The following MCC variants were observed in gnomAD, a reference collection of about 807,000 sequenced individuals.
MCC encodes MCC regulator of Wnt signaling pathway.
In MCC, 90 loss-of-function variants were observed where a neutral mutation model predicts 116.2. That is an observed-to-expected ratio of 0.77 (90% CI 0.65 to 0.92). The LOEUF (loss-of-function observed/expected upper bound fraction) is 0.92, where lower values mean the gene tolerates loss of function less well. Among genes scored for constraint, MCC ranks in the 40% least tolerant of loss-of-function variants. MCC has a pLI of 0.00. For synonymous variants in MCC, 578 were observed against 510.5 expected, an observed-to-expected ratio of 1.13 and a Z score of -1.78; for missense variants, 1,516 against 1,312.2, an observed-to-expected ratio of 1.16 and a Z score of -2.40.
chr5:113,317,788 G>T (rs1767321846), intron 3 of MCC, among the ~76,000 whole-genome samples: 1 of 152,138 alleles, frequency 6.6e-6, no homozygotes, highest in African/African-American at 2.4e-5. Context: ...TAATGAAGAT[G>T]CAAATGGAAA....
Position 113,068,148 on chromosome 5 carries a change from G to C in MCC, c.1961C>G (p.Ala654Gly). ...GAGGCTCTGCTCACTCTCTGCCAGC[G>C]CCAGGAGGAGTTCGTAGGCTTCGAT... is the stretch of plus-strand genomic sequence containing the variant. Reference protein sequence around the residue: ...QCIEAYELLLALAESEQSLIL... With the variant: ...QCIEAYELLLGLAESEQSLIL... Residue 654 changes from alanine (A) to glycine (G), a missense_variant, in exon 13 of 19, where the codon GCG (alanine) becomes GGG (glycine). Transcript: ENST00000408903. The C allele has an allele frequency of 1.2e-6, 2 of 1,614,158 alleles. No individual in the cohort carries two copies. Among genetic ancestry groups the C allele is most frequent in the Non-Finnish European group, 1.7e-6 (2 of 1,180,036 alleles).
intron 17 of MCC, among the ~76,000 whole-genome samples, chr5:113,041,248 C>A (rs995632541): frequency 2.0e-5 from 3 of 152,172 alleles, no homozygotes; most frequent in African/African-American, 7.2e-5. Context: ...ATCCTATAAA[C>A]AGGCCCGCTG....
At chr5:113,483,971 C>A (rs1772446970) in intron 1 of MCC, among the ~76,000 whole-genome samples, 1 of 152,184 alleles carries the variant, frequency 6.6e-6, no homozygotes, top group Non-Finnish European at 1.5e-5. Context: ...CATGGTCTCA[C>A]ATATAAGCGG....
chr5:113,160,138 G>T (rs926586004), intron 3 of MCC, among the ~76,000 whole-genome samples: 1 of 152,138 alleles, frequency 6.6e-6, no homozygotes, highest in African/African-American at 2.4e-5. Context: ...GCTGATATAG[G>T]GAACAGTGCC....
At chr5:113,212,756 T>C (rs1763178636) in intron 3 of MCC, among the ~76,000 whole-genome samples, 1 of 152,222 alleles carries the variant, frequency 6.6e-6, no homozygotes, top group Non-Finnish European at 1.5e-5. Flanking sequence ...ACTCAGTTCC[T>C]GCCCACAGGG....
chr5:113,071,097 T>C lies in MCC; in HGVS notation c.1922A>G (p.Tyr641Cys), dbSNP rs1272962249. Residue 641 changes from tyrosine (Y) to cysteine (C), a missense_variant, in exon 12 of 19, where the codon TAC becomes TGC. Tyr to Cys is a radical substitution (Grantham distance 194). Transcript: ENST00000408903. ...AAACATCCCAGTGTGTGCCTACCTG[T>C]ACTGCAAGGCCAGCCTCAGCGCTGT... Reference protein sequence around the residue: ...NATALRLALQYSEQCIEAYEL... With the variant: ...NATALRLALQCSEQCIEAYEL... 2 of 1,613,704 alleles carry C rather than the reference T, an allele frequency of 1.2e-6. No homozygotes were observed. Among genetic ancestry groups the C allele is most frequent in the Non-Finnish European group, 1.7e-6 (2 of 1,179,836 alleles).
At chr5:113,244,304 C>T (rs1049711840) in intron 3 of MCC, among the ~76,000 whole-genome samples, 1 of 152,004 alleles carries the variant, frequency 6.6e-6, no homozygotes, top group Non-Finnish European at 1.5e-5. Flanking sequence ...AAAATAAATA[C>T]AGTTAAATAA....
chr5:113,483,060 C>G lies in MCC; in HGVS notation c.170+5185G>C, dbSNP rs76219355. Among the ~76,000 whole-genome samples, 106 of 152,172 alleles carry G rather than the reference C, an allele frequency of 7.0e-4. 4 individuals are homozygous for G. The East Asian group carries it at 0.02, about 29-fold the overall frequency. ...TTGGCATTCTTAATCTTGGTGCTTT[C>G]GTTGAAAATCAATTGACATGAATAT... On this transcript the variant is annotated intron_variant, in intron 1 of 18. Coordinates refer to ENST00000408903, the MANE Select transcript of MCC (RefSeq NM_001085377.2).
intron 16 of MCC, 114 bp from the exon 17 acceptor site, chr5:113,043,744 C>T (rs553212887): frequency 7.4e-5 from 50 of 671,264 alleles, no homozygotes; most frequent in South Asian, 2.2e-4. Flanking sequence ...GTGTGGGCAC[C>T]GGGTGGCGCC....
intron 3 of MCC, among the ~76,000 whole-genome samples, chr5:113,330,068 T>G (rs1767662506): frequency 6.6e-6 from 1 of 152,192 alleles, no homozygotes; most frequent in Non-Finnish European, 1.5e-5. Context: ...AAGCCTAACT[T>G]AGGAGTATAG....
intron 3 of MCC, among the ~76,000 whole-genome samples, chr5:113,238,038 A>C (rs1764197627): frequency 1.3e-5 from 2 of 152,198 alleles, no homozygotes; most frequent in African/African-American, 4.8e-5. Context: ...AGAGCTCAAA[A>C]ATTTCTGGCT....
chr5:113,327,123 AG>A (rs1395311040), intron 3 of MCC, among the ~76,000 whole-genome samples: 9 of 152,130 alleles, frequency 5.9e-5, no homozygotes, highest in Admixed American at 3.3e-4. Context: ...AGGGGTGTGA[AG>A]GTACGGAGAA....
At chr5:113,335,677 T>A (rs1410777250) in intron 3 of MCC, among the ~76,000 whole-genome samples, 1 of 151,664 alleles carries the variant, frequency 6.6e-6, no homozygotes, top group Non-Finnish European at 1.5e-5. Context: ...AAATATCTCA[T>A]ATTGCTTTAC....
chr5:113,444,747 T>C (rs1392965750), intron 1 of MCC, among the ~76,000 whole-genome samples: 2 of 152,210 alleles, frequency 1.3e-5, no homozygotes, highest in East Asian at 3.8e-4. Flanking sequence ...ACAGCTCTTT[T>C]AGTTTAGTGG....
intron 2 of MCC, among the ~76,000 whole-genome samples, chr5:113,348,570 C>T (rs1405972501): frequency 6.6e-6 from 1 of 151,880 alleles, no homozygotes; most frequent in East Asian, 1.9e-4. Context: ...GAAAGCAGTA[C>T]TGAGGGAAGT....
chr5:113,256,597 A>G (rs13189851), intron 3 of MCC, among the ~76,000 whole-genome samples: 13,636 of 136,388 alleles, frequency 0.1, 896 homozygotes, highest in Non-Finnish European at 0.13. Flanking sequence ...GCCTACCTAT[A>G]TATTAGGTAG....
chr5:113,104,445 T>C (rs6869399), intron 6 of MCC, 90 bp from the exon 7 acceptor site: 423,532 of 1,174,176 alleles, frequency 0.36, 81,814 homozygotes, highest in African/African-American at 0.71. Flanking sequence ...GGTAATGGGA[T>C]GGCAATGGAG....
At chr5:113,231,298 C>A (rs762761005) in intron 3 of MCC, among the ~76,000 whole-genome samples, 2 of 152,254 alleles carry the variant, frequency 1.3e-5, no homozygotes, top group South Asian at 4.1e-4. Flanking sequence ...TGTCACACTT[C>A]CAACTCTTTA....
Position 113,389,310 on chromosome 5 carries a change from A to G in MCC, c.171-4098T>C, listed in dbSNP as rs546623962. 9.2e-5 allele frequency among the ~76,000 whole-genome samples: 14 copies of G among 152,238 alleles called. No individual in the cohort carries two copies. The East Asian group carries it at 2.3e-3, about 25-fold the overall frequency. The stretch of plus-strand genomic sequence containing the variant: ...ACAGCATGCCTTTGCCATTCCTCCC[A>G]TCAATAGGTGGAGGCTATTTCCCTG... On this transcript the variant is annotated intron_variant, in intron 1 of 18. Transcript: ENST00000408903.
Sources: gnomAD v4.1 joint callset for allele counts (sites outside exome capture counted in the v4.1 genomes callset) on GRCh38, gnomAD v4.1.1 for gene constraint, MANE v1.5 for transcripts, NCBI Gene and HGNC (gene_info 2026-07-23, HGNC 2026-07-21) for gene names.